Variants in GSN observed in about 807,000 individuals in gnomAD.
GSN encodes the protein gelsolin.
Under a neutral mutation model 85.7 loss-of-function variants are expected in GSN, and 56 were observed. The ratio of observed to expected loss-of-function variants is 0.65; its 90% CI spans 0.53 to 0.82. The LOEUF (loss-of-function observed/expected upper bound fraction) is 0.82. GSN is among the 40% of genes least tolerant of loss of function. GSN has a pLI of 0.00. For missense variants in GSN, 857 were observed against 979.8 expected, an observed-to-expected ratio of 0.87 and a Z score of 1.67; for synonymous variants, 373 against 399.1, an observed-to-expected ratio of 0.93 and a Z score of 0.78.
At chr9:121,285,981 T>C in intron 2 of GSN, 1 of 736,896 alleles carries the variant, frequency 1.4e-6, no homozygotes, top group Non-Finnish European at 2.3e-6. Context: ...GTTTTAATTG[T>C]GTTGAGGAGA....
At chr9:121,285,146 T>C (rs894460844) in intron 2 of GSN, 1 of 167,182 alleles carries the variant, frequency 6.0e-6, no homozygotes, top group Non-Finnish European at 1.5e-5. Context: ...ATCTGTGAAA[T>C]GGGGGTGATA....
intron 7 of GSN, among the ~76,000 whole-genome samples, chr9:121,315,581 T>G (rs1490535217): frequency 6.6e-6 from 1 of 152,010 alleles, no homozygotes; most frequent in Non-Finnish European, 1.5e-5. Context: ...CTGGCTAACA[T>G]GGTGAAACAC....
intron 10 of GSN, among the ~76,000 whole-genome samples, chr9:121,319,741 G>C (rs1194351265): frequency 6.6e-6 from 1 of 152,030 alleles, no homozygotes; most frequent in Non-Finnish European, 1.5e-5. Context: ...TAAGAAAATG[G>C]ATTGGAGGCA....
chr9:121,284,955 TC>T (rs897240332), intron 2 of GSN: 4 of 167,324 alleles, frequency 2.4e-5, no homozygotes, highest in African/African-American at 9.7e-5. Flanking sequence ...ATACCTCTGT[TC>T]GGTTATCCCC....
rs10566145 is a variant in GSN at position 121,283,671 on chromosome 9, GTTCATTCATTCA to G, written c.-10+2135_-10+2146del. On this transcript the variant is annotated intron_variant, in intron 2 of 17. Coordinates refer to ENST00000432226, the MANE Select transcript of GSN (RefSeq NM_198252.3). ...TTCTTGTCTTGATTTATGTATATAG[GTTCATTCATTCA>G]TTCATTCATTCATTCATTCATTCAT... The G allele has an allele frequency of 1.9e-4, 24 of 128,638 alleles. 1 individual carries two copies. Among genetic ancestry groups the G allele is most frequent in the South Asian group, 1.1e-3 (3 of 2,794 alleles). 8.0% of individuals were successfully genotyped at this position (128,638 alleles called of 1,614,324 possible). A position where few individuals can be genotyped will look rare whatever the true frequency, so the allele number is the denominator to read the frequency against.
intron 2 of GSN, among the ~76,000 whole-genome samples, chr9:121,287,987 C>T (rs1045127254): frequency 2.0e-5 from 3 of 152,068 alleles, no homozygotes; most frequent in South Asian, 2.1e-4. Flanking sequence ...AGTGCAGTGG[C>T]GTGATCTCTG....
chr9:121,236,459 C>T (rs1256223232), intron 5 of GSN, among the ~76,000 whole-genome samples: 1 of 152,060 alleles, frequency 6.6e-6, no homozygotes. Context: ...GTGATCTGCC[C>T]GCCTCAGCCT....
At position 121,318,448 on chromosome 9, in the gene GSN, C is replaced by T. The variant is rs1280142330; in HGVS notation, c.929C>T (p.Thr310Ile). The change falls in exon 9 of 18, where the codon ACA (threonine) becomes ATA (isoleucine). Residue 310 changes from threonine to isoleucine, a missense_variant. Transcript: ENST00000432226. The surrounding 1 kb of genome is among the most constrained non-coding windows in gnomAD (Gnocchi z 4.3). ...GAGGAGAGGAAGGCTGCCCTCAAAA[C>T]AGCCTCTGACTTCATCACCAAGATG... ...NTEERKAALK[T>I]ASDFITKMDY... 4 of 1,614,154 alleles carry T rather than the reference C, an allele frequency of 2.5e-6. No homozygotes were observed. The highest frequency in any genetic ancestry group is 2.5e-6 in the Non-Finnish European group (3 of 1,179,992).
intron 3 of GSN, among the ~76,000 whole-genome samples, chr9:121,302,670 G>A (rs116739159): frequency 2.6e-5 from 4 of 152,126 alleles, no homozygotes; most frequent in Non-Finnish European, 5.9e-5. Flanking sequence ...CTGAGTTTAC[G>A]CTCAGGAGGG....
chr9:121,324,739 A>ATCTG (rs1201593039), intron 12 of GSN, 95 bp downstream of exon 12: 72 of 709,542 alleles, frequency 1.0e-4, no homozygotes, highest in Admixed American at 5.2e-4. Context: ...TCGTTTGTCC[A>ATCTG]TCTGTCTGTC....
intron 1 of GSN, among the ~76,000 whole-genome samples, chr9:121,209,123 G>A (rs2132065182): frequency 6.6e-6 from 1 of 152,368 alleles, no homozygotes; most frequent in African/African-American, 2.4e-5. Context: ...AACTTTTAGG[G>A]TTGGTAGCTG....
At chr9:121,259,466 G>A (rs1241276159) in intron 6 of GSN, among the ~76,000 whole-genome samples, 2 of 152,170 alleles carry the variant, frequency 1.3e-5, no homozygotes, top group African/African-American at 4.8e-5. Context: ...GTTAAACAGG[G>A]GGAAAGTATT....
intron 2 of GSN, among the ~76,000 whole-genome samples, chr9:121,290,594 G>T (rs935210283): frequency 1.3e-5 from 2 of 152,118 alleles, no homozygotes; most frequent in African/African-American, 4.8e-5. Context: ...ATAACGCGAT[G>T]TTATGAATAC....
chr9:121,253,728 C>T (rs548156086), intron 6 of GSN, among the ~76,000 whole-genome samples: 82 of 152,266 alleles, frequency 5.4e-4, no homozygotes, highest in Admixed American at 5.0e-3. Flanking sequence ...CAGGAACTGG[C>T]GGTTCTCTCT....
Position 121,318,386 on chromosome 9 carries a change from C to T in GSN, c.887-20C>T. On this transcript the variant is annotated intron_variant, in intron 8 of 17. Coordinates refer to ENST00000432226, the MANE Select transcript of GSN (RefSeq NM_198252.3). This position sits in a 1 kb window ranked among gnomAD's most constrained non-coding sequence, Gnocchi z 4.3. ...ATCCCGGGCCTCTAACCCTCCATCA[C>T]TTCCTCTGGCTGCCAACAGGCAAGC... 1 of 1,607,364 alleles carries T rather than the reference C, an allele frequency of 6.2e-7. No homozygotes were observed. Among genetic ancestry groups the T allele is most frequent in the Non-Finnish European group, 8.5e-7 (1 of 1,173,824 alleles).
intron 6 of GSN, among the ~76,000 whole-genome samples, chr9:121,252,248 T>G (rs777816749): frequency 4.0e-5 from 6 of 151,828 alleles, no homozygotes; most frequent in Non-Finnish European, 5.9e-5. Context: ...ACAGTTGGAG[T>G]AGGTAGAAAA....
chr9:121,275,378 C>T (rs538375809), intron 1 of GSN, among the ~76,000 whole-genome samples: 113 of 152,320 alleles, frequency 7.4e-4, no homozygotes, highest in Non-Finnish European at 1.4e-3. Flanking sequence ...AATGCTTGGC[C>T]AGTGCAATCA....
chr9:121,299,753 C>G lies in GSN; in HGVS notation c.-9-2210C>G, dbSNP rs1443248855. 1.1e-5 allele frequency: 13 copies of G among 1,139,162 alleles called. No homozygotes were observed. Among genetic ancestry groups the G allele is most frequent in the Non-Finnish European group, 1.3e-5 (12 of 914,236 alleles). The allele number at this position is 1,139,162 out of a possible 1,614,324, so 70.6% of individuals were successfully genotyped here. A position where few individuals can be genotyped will look rare whatever the true frequency, so the allele number is the denominator to read the frequency against. On this transcript the variant is annotated intron_variant, in intron 2 of 17. Transcript: ENST00000432226. The surrounding 1 kb of genome is among the most constrained non-coding windows in gnomAD (Gnocchi z 4.2). The stretch of plus-strand genomic sequence containing the variant: ...ATCCGAGACAGATCCCCGCCCCGCG[C>G]CCTCCCTGGGGGGCGGTCCCCGGCT...
intron 4 of GSN, among the ~76,000 whole-genome samples, chr9:121,211,378 A>G (rs1374448885): frequency 6.6e-6 from 1 of 152,250 alleles, no homozygotes; most frequent in African/African-American, 2.4e-5. Flanking sequence ...ACAAACAAAC[A>G]AACAAAGCTG....
Sources: allele counts gnomAD v4.1 joint callset (sites outside exome capture counted in the v4.1 genomes callset), GRCh38; gene constraint gnomAD v4.1.1; non-coding constraint Gnocchi (gnomAD v3.1); transcripts MANE v1.5; gene names NCBI Gene and HGNC (gene_info 2026-07-23, HGNC 2026-07-21).